Variants in WDR41 observed in about 807,000 individuals in gnomAD.
WDR41 encodes the protein WD repeat domain 41.
In WDR41, 63 loss-of-function variants were observed where a neutral mutation model predicts 69.3. That is an observed-to-expected ratio of 0.91 (90% CI 0.74 to 1.12). WDR41 has a LOEUF of 1.12. Ranked by LOEUF, WDR41 falls within the 50% of genes most tolerant of loss-of-function variation. WDR41 has a pLI of 0.00. For synonymous variants in WDR41, 185 were observed against 192.1 expected, an observed-to-expected ratio of 0.96 and a Z score of 0.31; for missense variants, 543 against 534.5, an observed-to-expected ratio of 1.02 and a Z score of -0.16.
chr5:77,538,739 C>T (rs1057389123), intron 1 of WDR41, among the ~76,000 whole-genome samples: 3 of 152,166 alleles, frequency 2.0e-5, no homozygotes, highest in Admixed American at 2.0e-4. Flanking sequence ...TGCTAAGAAG[C>T]TGGTCTTGTA....
At chr5:77,517,678 G>A (rs1006392341) in intron 1 of WDR41, among the ~76,000 whole-genome samples, 1 of 147,426 alleles carries the variant, frequency 6.8e-6, no homozygotes, top group Admixed American at 6.7e-5. Context: ...CAGGTAATTA[G>A]CGGAAAGAGA....
intron 2 of WDR41, among the ~76,000 whole-genome samples, chr5:77,484,570 G>A (rs1301872397): frequency 6.6e-6 from 1 of 152,100 alleles, no homozygotes; most frequent in Non-Finnish European, 1.5e-5. Flanking sequence ...AAAGGATTCT[G>A]GTTATACCCT....
rs776614253 is a variant in WDR41, at chr5:77,440,969, G to A, written c.726C>T (p.Val242=). The part of the protein sequence containing the change: ...NDLSFVTGSH[V]GELIIWDALD... ...GGGCATCCCAGATGATCAGCTCTCC[G>A]ACGTGGGAGCCGGTGACAAAACTCA... Residue 242 remains valine, a synonymous_variant, in exon 9 of 13, where the codon GTC becomes GTT. Coordinates refer to ENST00000296679, the MANE Select transcript of WDR41 (RefSeq NM_018268.4). 30 of 1,613,366 alleles carry A rather than the reference G, an allele frequency of 1.9e-5. No homozygotes were observed. The highest frequency in any genetic ancestry group is 1.6e-4 in the Middle Eastern group (1 of 6,082).
intron 2 of WDR41, among the ~76,000 whole-genome samples, 157 bp downstream of exon 2, chr5:77,489,300 G>A (rs1298524628): frequency 6.6e-6 from 1 of 152,056 alleles, no homozygotes; most frequent in Non-Finnish European, 1.5e-5. Flanking sequence ...ATATTTCATC[G>A]AGATGCAGAG....
chr5:77,439,929 C>A (rs1290591636), intron 9 of WDR41, among the ~76,000 whole-genome samples: 2 of 151,974 alleles, frequency 1.3e-5, no homozygotes, highest in African/African-American at 4.8e-5. Flanking sequence ...GTATATTTAA[C>A]TTTTTTCAAA....
At chr5:77,573,854 A>G (rs193232596) in intron 1 of WDR41, among the ~76,000 whole-genome samples, 5 of 152,302 alleles carry the variant, frequency 3.3e-5, no homozygotes, top group Non-Finnish European at 5.9e-5. Context: ...GAGAGACACT[A>G]TAACCTCTGT....
intron 2 of WDR41, among the ~76,000 whole-genome samples, chr5:77,473,474 A>C (rs565082829): frequency 7.6e-4 from 116 of 152,252 alleles, no homozygotes; most frequent in African/African-American, 2.5e-3. Flanking sequence ...AGCTTCTGCA[A>C]AGCAAAAGAA....
At chr5:77,545,991 C>A (rs891614576) in intron 1 of WDR41, 6 of 488,576 alleles carry the variant, frequency 1.2e-5, no homozygotes, top group Non-Finnish European at 2.1e-5. Context: ...CCCAGGAGCA[C>A]TGGCATCATC....
chr5:77,611,900 C>T (rs920164411), intron 1 of WDR41, among the ~76,000 whole-genome samples: 103 of 151,498 alleles, frequency 6.8e-4, no homozygotes, highest in African/African-American at 2.4e-3. Context: ...GCTAGCAAGA[C>T]TAATAAAGAA....
intron 2 of WDR41, among the ~76,000 whole-genome samples, chr5:77,487,869 A>G (rs1029540951): frequency 6.6e-6 from 1 of 152,162 alleles, no homozygotes; most frequent in African/African-American, 2.4e-5. Context: ...CATGCCTACT[A>G]ATGAAAGCTC....
At chr5:77,594,130 C>T (rs550942309) in intron 1 of WDR41, among the ~76,000 whole-genome samples, 3 of 151,828 alleles carry the variant, frequency 2.0e-5, no homozygotes, top group African/African-American at 7.3e-5. Flanking sequence ...ATGGATGAAG[C>T]TGGAAACCAT....
Position 77,581,728 on chromosome 5 carries a change from A to G in WDR41, c.42+38751T>C, listed in dbSNP as rs114233060. Among the ~76,000 whole-genome samples, 1,197 of 152,342 alleles carry G rather than the reference A, an allele frequency of 7.9e-3. 10 individuals are homozygous for G. Among genetic ancestry groups the G allele is most frequent in the African/African-American group, 0.028 (1,147 of 41,576 alleles). On this transcript the variant is annotated intron_variant, in intron 1 of 5. Coordinates refer to the WDR41 transcript ENST00000509971. The stretch of plus-strand genomic sequence containing the variant: ...GGAAAACTCACAAATACATGGAAAT[A>G]AAACATACTCCTAAATAACCCAAGA...
At chr5:77,575,069 T>C in intron 1 of WDR41, among the ~76,000 whole-genome samples, 1 of 152,120 alleles carries the variant, frequency 6.6e-6, no homozygotes, top group East Asian at 1.9e-4. Context: ...AAAACAAACA[T>C]ATCTTATTTC....
intron 8 of WDR41, among the ~76,000 whole-genome samples, chr5:77,441,299 C>T (rs1182315882): frequency 1.3e-5 from 2 of 152,084 alleles, no homozygotes; most frequent in South Asian, 2.1e-4. Context: ...TTGTACCATA[C>T]ACCAAAATAA....
In WDR41 at chr5:77,549,579, T is replaced by A. The variant is rs1039611566; in HGVS notation, c.43-60007A>T. 1.4e-4 allele frequency among the ~76,000 whole-genome samples: 22 copies of A among 151,994 alleles called. No homozygotes were observed. In the South Asian group the frequency reaches 2.1e-3, roughly 14 times the overall value. ...CATCTAGTTAAGGAGGTGAAAGATC[T>A]CTATGAGGAGAACTACAAAATGCTG... On this transcript the variant is annotated intron_variant, in intron 1 of 5. Coordinates refer to the WDR41 transcript ENST00000509971.
intron 1 of WDR41, among the ~76,000 whole-genome samples, chr5:77,503,441 C>A (rs1379503785): frequency 6.6e-6 from 1 of 151,986 alleles, no homozygotes; most frequent in Non-Finnish European, 1.5e-5. Flanking sequence ...ATTTTAATAC[C>A]CCACTGTCAA....
At chr5:77,446,976 G>C (rs766921945) in intron 8 of WDR41, among the ~76,000 whole-genome samples, 10 of 152,122 alleles carry the variant, frequency 6.6e-5, no homozygotes, top group Non-Finnish European at 1.2e-4. Context: ...TACCATCAGA[G>C]TGAAAAGGCA....
chr5:77,526,260 C>T (rs1044339721), intron 1 of WDR41, among the ~76,000 whole-genome samples: 3 of 151,518 alleles, frequency 2.0e-5, no homozygotes, highest in African/African-American at 7.3e-5. Context: ...GACATTATGT[C>T]TACGTCATTT....
chr5:77,491,884 G>A lies in WDR41; in HGVS notation c.51+286C>T, dbSNP rs113240335. On this transcript the variant is annotated intron_variant, in intron 1 of 12. Transcript: ENST00000296679. ...TGTCACAGGTCCCAATAGGACTGCT[G>A]ACCAGCTGAGCGTCCCTGAGCCAGG... The A allele has an allele frequency of 4.8e-3, 2,283 of 480,548 alleles. 41 individuals are homozygous for A. Among genetic ancestry groups the A allele is most frequent in the African/African-American group, 0.04 (1,933 of 48,758 alleles). 29.8% of individuals were successfully genotyped at this position (480,548 alleles called of 1,614,324 possible).
Sources: allele counts gnomAD v4.1 joint callset (sites outside exome capture counted in the v4.1 genomes callset), GRCh38; gene constraint gnomAD v4.1.1; transcripts MANE v1.5; gene names NCBI Gene and HGNC (gene_info 2026-07-23, HGNC 2026-07-21).